The following AMZ2 variants were observed in gnomAD, a reference collection of about 807,000 sequenced individuals.
The protein encoded by AMZ2 is archaemetzincin-2.
In AMZ2, 26 loss-of-function variants were observed where a neutral mutation model predicts 36.7. That is an observed-to-expected ratio of 0.71 (90% CI 0.52 to 0.98). The LOEUF (loss-of-function observed/expected upper bound fraction) is 0.98. Ranked by LOEUF, AMZ2 falls within the 50% of genes least tolerant of loss-of-function variation. AMZ2 has a pLI of 0.00. For synonymous variants in AMZ2, 144 were observed against 149.1 expected (o/e 0.97, Z 0.25); for missense variants, 394 against 430.5 (o/e 0.92, Z 0.75).
intron 1 of AMZ2, among the ~76,000 whole-genome samples, chr17:68,227,300 T>C (rs1173525822): frequency 1.3e-5 from 2 of 152,132 alleles, no homozygotes; most frequent in African/African-American, 4.8e-5. Context: ...CCCTGGCTTA[T>C]TGGAGGAGTA....
upstream of AMZ2, among the ~76,000 whole-genome samples, chr17:68,245,226 C>A (rs2073977173): frequency 6.6e-6 from 1 of 151,474 alleles, no homozygotes; most frequent in South Asian, 2.1e-4. Context: ...CCTAACCCCC[C>A]CGAAGCACTA....
chr17:68,247,222 G>A (rs2074057966), upstream of AMZ2: 1 of 151,042 alleles, frequency 6.6e-6, no homozygotes, highest in Non-Finnish European at 1.5e-5. Flanking sequence ...TGTAGTTCCA[G>A]CTACTGGGGA....
chr17:68,216,291 GC>G (rs1568344069), intron 1 of AMZ2, among the ~76,000 whole-genome samples: 5 of 151,918 alleles, frequency 3.3e-5, no homozygotes, highest in Admixed American at 1.3e-4. Flanking sequence ...GTGCCACCAC[GC>G]CCAGCTGATT....
intron 1 of AMZ2, among the ~76,000 whole-genome samples, chr17:68,241,508 T>C (rs1555733973): frequency 6.6e-6 from 1 of 151,942 alleles, no homozygotes; most frequent in Admixed American, 6.6e-5. Context: ...CTACCTAAAA[T>C]TAAAAGATCA....
intron 1 of AMZ2, among the ~76,000 whole-genome samples, chr17:68,223,529 T>G (rs2073422243): frequency 1.4e-5 from 2 of 144,564 alleles, no homozygotes; most frequent in East Asian, 3.9e-4. Context: ...TTCTAACTAA[T>G]GGATTTTCTT....
chr17:68,219,923 C>T (rs1193063916), intron 1 of AMZ2, among the ~76,000 whole-genome samples: 2 of 152,172 alleles, frequency 1.3e-5, no homozygotes, highest in African/African-American at 4.8e-5. Context: ...TACACAGATG[C>T]TCCTGTTAAG....
At chr17:68,228,557 C>T (rs1296677285) in intron 1 of AMZ2, among the ~76,000 whole-genome samples, 3 of 152,172 alleles carry the variant, frequency 2.0e-5, no homozygotes, top group African/African-American at 4.8e-5. Context: ...CCTCGTGGGC[C>T]TTCTCCAGCC....
chr17:68,238,199 T>TTTTC lies in AMZ2; in HGVS notation c.-66-10430_-66-10427dup, dbSNP rs2073829423. ...CCACTGACCCAGCCTTTTTCTTTTA[T>TTTTC]TTTCTTTCTTTCTTCTTCTTTTTTT... On this transcript the variant is annotated intron_variant, in intron 1 of 7. Coordinates refer to the AMZ2 transcript ENST00000674770. Among the ~76,000 whole-genome samples, 3 of 152,232 alleles carry TTTTC rather than the reference T, an allele frequency of 2.0e-5. No homozygotes were observed. In the South Asian group the frequency reaches 6.2e-4, roughly 32 times the overall value.
chr17:68,250,621 T>G lies in AMZ2; in HGVS notation c.283+151T>G, dbSNP rs1203846050. 1.7e-5 allele frequency: 21 copies of G among 1,238,516 alleles called. No individual in the cohort carries two copies. In the Admixed American group the frequency reaches 4.9e-4, roughly 29 times the overall value. 76.7% of individuals were successfully genotyped at this position (1,238,516 alleles called of 1,614,324 possible). Reference sequence around the variant, plus strand: ...GTACAAGTTTTGTAGCCAAACTGACTTAAAAGATAACATTTTGTTTCTTTT... The same window carrying G: ...GTACAAGTTTTGTAGCCAAACTGACGTAAAAGATAACATTTTGTTTCTTTT... On this transcript the variant is annotated intron_variant, in intron 2 of 6. Transcript: ENST00000359904.
At chr17:68,238,543 T>TAGAG (rs557323124) in intron 1 of AMZ2, among the ~76,000 whole-genome samples, 14,505 of 122,132 alleles carry the variant, frequency 0.12, 1,235 homozygotes, top group African/African-American at 0.23. Context: ...TATGTATATA[T>TAGAG]ATATAGAGAG....
At chr17:68,234,297 A>T (rs2073736481) in intron 1 of AMZ2, among the ~76,000 whole-genome samples, 1 of 151,900 alleles carries the variant, frequency 6.6e-6, no homozygotes, top group African/African-American at 2.4e-5. Flanking sequence ...AAAAAAATTA[A>T]GATTAACCAG....
At position 68,211,732 on chromosome 17, in the gene AMZ2, A is replaced by G. The variant is rs113612333; in HGVS notation, c.-67+5494A>G. Among the ~76,000 whole-genome samples, 97 of 112,680 alleles carry G rather than the reference A, an allele frequency of 8.6e-4. 1 individual carries two copies. Among genetic ancestry groups the G allele is most frequent in the African/African-American group, 2.8e-3 (83 of 30,004 alleles). The allele number at this position is 112,680 out of a possible 152,430, so 73.9% of individuals were successfully genotyped here. A position where few individuals can be genotyped will look rare whatever the true frequency, so the allele number is the denominator to read the frequency against. ...TGTATATGTATATATATGTATATGT[A>G]TATATGTGTATATGTATATATGTAT... is the stretch of plus-strand genomic sequence containing the variant. On this transcript the variant is annotated intron_variant, in intron 1 of 7. Transcript: ENST00000674770.
chr17:68,221,736 G>T (rs7219633), intron 1 of AMZ2, among the ~76,000 whole-genome samples: 1 of 148,338 alleles, frequency 6.7e-6, no homozygotes, highest in Admixed American at 6.7e-5. Flanking sequence ...TTAAAAAAAA[G>T]AAAAAAAAAA....
chr17:68,243,737 C>A (rs2073949732), upstream of AMZ2, among the ~76,000 whole-genome samples: 2 of 152,134 alleles, frequency 1.3e-5, no homozygotes, highest in Admixed American at 1.3e-4. Flanking sequence ...CATCATTGGA[C>A]ATTATCATCA....
intron 1 of AMZ2, among the ~76,000 whole-genome samples, chr17:68,226,166 A>G (rs1169589292): frequency 6.6e-6 from 1 of 152,108 alleles, no homozygotes; most frequent in African/African-American, 2.4e-5. Flanking sequence ...AAATTAATTC[A>G]GTAAGGCATT....
upstream of AMZ2, chr17:68,247,718 A>G (rs2074090826): frequency 1.0e-6 from 1 of 985,510 alleles, no homozygotes; most frequent in Non-Finnish European, 1.2e-6. Flanking sequence ...CGGCCTGCCG[A>G]GGACGTTCCC....
chr17:68,255,631 A>G (rs2074840860), intron 5 of AMZ2, 69 bp from the exon 6 acceptor site: 3 of 1,501,940 alleles, frequency 2.0e-6, no homozygotes, highest in Non-Finnish European at 2.7e-6. Flanking sequence ...TGGAAAAGCA[A>G]GAAAAAGAAG....
intron 2 of AMZ2, 84 bp downstream of exon 2, chr17:68,250,554 A>T (rs1555738898): frequency 3.3e-6 from 5 of 1,499,230 alleles, no homozygotes; most frequent in Non-Finnish European, 4.5e-6. Context: ...GGTCTGATTC[A>T]GATGGGCCGT....
chr17:68,250,275 A>T lies in AMZ2; in HGVS notation c.88A>T (p.Asn30Tyr), dbSNP rs3213690. 6.2e-7 allele frequency: 1 copy of T among 1,614,020 alleles called. No individual in the cohort carries two copies. The highest frequency in any genetic ancestry group is 8.5e-7 in the Non-Finnish European group (1 of 1,180,002). ...PVLVSQYEKL[N>Y]AGEQRLMNEA... ...GCTTGTATCACAGTATGAGAAATTA[A>T]ATGCTGGGGAACAACGTTTAATGAA... Residue 30 changes from asparagine (N) to tyrosine (Y), a missense_variant, in exon 2 of 7, where the codon AAT (asparagine) becomes TAT (tyrosine). Transcript: ENST00000359904.
Sources: gnomAD v4.1 joint callset for allele counts (sites outside exome capture counted in the v4.1 genomes callset) on GRCh38, gnomAD v4.1.1 for gene constraint, MANE v1.5 for transcripts, NCBI Gene and HGNC (gene_info 2026-07-23, HGNC 2026-07-21) for gene names.